Variants in DOCK7 observed in about 807,000 individuals in gnomAD.
The protein encoded by DOCK7 is dedicator of cytokinesis protein 7.
In DOCK7, 138 loss-of-function variants were observed where a neutral mutation model predicts 271.0. That is an observed-to-expected ratio of 0.51 (90% CI 0.44 to 0.59). The LOEUF is 0.59. Ranked by LOEUF, DOCK7 falls within the 20% of genes least tolerant of loss-of-function variation. The pLI is 0.00. For missense variants in DOCK7, 2,066 were observed against 2,592.4 expected, an observed-to-expected ratio of 0.80 and a Z score of 4.41; for synonymous variants, 823 against 876.1, an observed-to-expected ratio of 0.94 and a Z score of 1.07.
At position 62,477,655 on chromosome 1, in the gene DOCK7, A is replaced by C. The variant is rs368416251; in HGVS notation, c.5634+45T>G. 3.4e-5 allele frequency: 52 copies of C among 1,530,572 alleles called. No individual in the cohort carries two copies. The African/African-American group carries it at 7.0e-4, about 21-fold the overall frequency. The allele number at this position is 1,530,572 out of a possible 1,614,324, so 94.8% of individuals were successfully genotyped here. A position where few individuals can be genotyped will look rare whatever the true frequency, so the allele number is the denominator to read the frequency against. On this transcript the variant is annotated intron_variant, in intron 44 of 49. Transcript: ENST00000635253. ...ATCTGAAAGTCTAATCATCAGAGAG[A>C]ATACAAACTAAAGATGACATTTTAT...
intron 7 of DOCK7, among the ~76,000 whole-genome samples, chr1:62,645,730 T>TTA (rs1656567192): frequency 6.6e-6 from 1 of 152,208 alleles, no homozygotes; most frequent in Admixed American, 6.5e-5. Flanking sequence ...AATACGTGAA[T>TTA]TATACCTCAA....
chr1:62,590,789 G>A (rs1341580294), intron 14 of DOCK7, among the ~76,000 whole-genome samples: 1 of 151,992 alleles, frequency 6.6e-6, no homozygotes, highest in African/African-American at 2.4e-5. Context: ...ACCACAATAA[G>A]ATACCATCTC....
intron 18 of DOCK7, among the ~76,000 whole-genome samples, chr1:62,569,635 G>T (rs947907477): frequency 2.6e-5 from 4 of 151,912 alleles, no homozygotes; most frequent in Non-Finnish European, 4.4e-5. Flanking sequence ...ATATCATACT[G>T]AATGGGCAAA....
At chr1:62,682,540 T>C (rs1312981779) in intron 1 of DOCK7, among the ~76,000 whole-genome samples, 2 of 151,904 alleles carry the variant, frequency 1.3e-5, no homozygotes, top group Non-Finnish European at 2.9e-5. Context: ...ACATAAGAAA[T>C]GTAACTTTTT....
chr1:62,592,326 A>G (rs1247260884), intron 14 of DOCK7, among the ~76,000 whole-genome samples: 1 of 152,182 alleles, frequency 6.6e-6, no homozygotes, highest in Non-Finnish European at 1.5e-5. Flanking sequence ...ATCTCTCATC[A>G]AAATAAATTA....
At position 62,682,086 on chromosome 1, in the gene DOCK7, C is replaced by A. The variant is rs1245279531; in HGVS notation, c.38+6141G>T. Among the ~76,000 whole-genome samples, 4 of 150,304 alleles carry A rather than the reference C, an allele frequency of 2.7e-5. No individual in the cohort carries two copies. The East Asian group carries it at 7.8e-4, about 29-fold the overall frequency. On this transcript the variant is annotated intron_variant, in intron 1 of 49. Transcript: ENST00000635253. Reference sequence around the variant, plus strand: ...AGCAGAACAGTTACAGAGATGGAAACAAGCATAGCATTTGTGGAGGTACAG... The same window carrying A: ...AGCAGAACAGTTACAGAGATGGAAAAAAGCATAGCATTTGTGGAGGTACAG...
At chr1:62,589,627 CAA>C (rs879624565) in intron 14 of DOCK7, among the ~76,000 whole-genome samples, 4 of 140,498 alleles carry the variant, frequency 2.8e-5, no homozygotes, top group Non-Finnish European at 3.1e-5. Context: ...ATGCTTCCAA[CAA>C]AAAAAAAAAA....
chr1:62,512,954 C>G (rs1049108158), intron 33 of DOCK7, among the ~76,000 whole-genome samples: 2 of 151,478 alleles, frequency 1.3e-5, no homozygotes, highest in Non-Finnish European at 1.5e-5. Context: ...TGGAATGATC[C>G]CTAATGTAAA....
Position 62,555,927 on chromosome 1 carries a change from A to C in DOCK7, c.2494T>G (p.Leu832Val). 3 of 1,613,936 alleles carry C rather than the reference A, an allele frequency of 1.9e-6. No homozygotes were observed. The highest frequency in any genetic ancestry group is 2.5e-6 in the Non-Finnish European group (3 of 1,179,934). The part of the protein sequence containing the change: ...ASIINRLHKN[L>V]EGNHDQHGRN... ...CCATGCTGGTCATGATTTCCTTCCA[A>C]GTTTTTGTGAAGTCGATTTATAATT... Residue 832 changes from leucine (L) to valine (V), a missense_variant, in exon 21 of 50, where the codon TTG becomes GTG. This residue lies in a region of DOCK7 where 1,414 missense variants were observed against 1,670.4 expected (regional missense o/e 0.85). Coordinates refer to ENST00000635253, the MANE Select transcript of DOCK7 (RefSeq NM_001367561.1).
chr1:62,600,670 T>A (rs1252454507), intron 14 of DOCK7, among the ~76,000 whole-genome samples: 1 of 151,836 alleles, frequency 6.6e-6, no homozygotes, highest in East Asian at 1.9e-4. Flanking sequence ...CTGGTTCAAA[T>A]TATGTATTAT....
At position 62,465,506 on chromosome 1, in the gene DOCK7, C is replaced by T. The variant is rs377194142; in HGVS notation, c.6213-7801G>A. On this transcript the variant is annotated intron_variant, in intron 48 of 49. Coordinates refer to ENST00000635253, the MANE Select transcript of DOCK7 (RefSeq NM_001367561.1). ...TAAAAAAAAAAAAAATTTGTAAGCC[C>T]GTAGGCATGAAAACCTTGCACTTTT... Among the ~76,000 whole-genome samples, 46 of 151,992 alleles carry T rather than the reference C, an allele frequency of 3.0e-4. 2 individuals carry two copies. Among genetic ancestry groups the T allele is most frequent in the East Asian group, 2.7e-3 (14 of 5,168 alleles).
chr1:62,476,168 A>G lies in DOCK7; in HGVS notation c.5635-12T>C. 6.2e-7 allele frequency: 1 copy of G among 1,603,534 alleles called. No individual in the cohort carries two copies. The highest frequency in any genetic ancestry group is 1.3e-5 in the African/African-American group (1 of 74,278). On this transcript the variant is annotated splice_polypyrimidine_tract_variant and intron_variant, in intron 44 of 49. Transcript: ENST00000635253. ...TCTCCGTAAAATCCCTACAATAAAG[A>G]AAAAGAAACATTTTATATGAAGTTA...
rs187466296 is a variant in DOCK7, at chr1:62,560,576, A to C, written c.2199+1041T>G. 4.6e-5 allele frequency among the ~76,000 whole-genome samples: 7 copies of C among 152,184 alleles called. No individual in the cohort carries two copies. In the East Asian group the frequency reaches 1.4e-3, roughly 29 times the overall value. ...CATCCACCTGGACTCTATGGCATTC[A>C]AGGTCCTTCACAATCTATTACCAGC... On this transcript the variant is annotated intron_variant, in intron 19 of 49. Coordinates refer to ENST00000635253, the MANE Select transcript of DOCK7 (RefSeq NM_001367561.1).
At chr1:62,671,390 A>G (rs1378365866) in intron 1 of DOCK7, among the ~76,000 whole-genome samples, 1 of 152,224 alleles carries the variant, frequency 6.6e-6, no homozygotes, top group East Asian at 1.9e-4. Context: ...GAATGCTTGA[A>G]TGGAACAACT....
intron 21 of DOCK7, among the ~76,000 whole-genome samples, chr1:62,554,623 A>G (rs1646077548): frequency 1.3e-5 from 2 of 152,114 alleles, no homozygotes; most frequent in South Asian, 2.1e-4. Context: ...TCCGAATGTC[A>G]TATTTGCAAA....
At chr1:62,602,603 T>A (rs1650315776) in intron 14 of DOCK7, among the ~76,000 whole-genome samples, 2 of 151,792 alleles carry the variant, frequency 1.3e-5, no homozygotes, top group Non-Finnish European at 3.0e-5. Context: ...TGTTCTTAAA[T>A]ATACTTATCA....
chr1:62,621,938 G>A (rs531843382), intron 12 of DOCK7, among the ~76,000 whole-genome samples: 1 of 151,574 alleles, frequency 6.6e-6, no homozygotes, highest in Non-Finnish European at 1.5e-5. Flanking sequence ...TTTCTCTTTC[G>A]GTACTTATTG....
At chr1:62,534,380 G>A (rs1057383660) in intron 29 of DOCK7, among the ~76,000 whole-genome samples, 6 of 152,124 alleles carry the variant, frequency 3.9e-5, no homozygotes, top group Admixed American at 2.6e-4. Flanking sequence ...CTGGGAGGCC[G>A]AGGCGGGCTG....
intron 14 of DOCK7, chr1:62,602,407 T>C (rs773666875): frequency 3.8e-6 from 6 of 1,583,048 alleles, no homozygotes; most frequent in South Asian, 1.1e-5. Context: ...CAATCATTCA[T>C]TCACTTGCTA....
Sources: gnomAD v4.1 joint callset for allele counts (sites outside exome capture counted in the v4.1 genomes callset) on GRCh38, gnomAD v4.1.1 for gene constraint, gnomAD v4.1.1 regional missense constraint, MANE v1.5 for transcripts, NCBI Gene and HGNC (gene_info 2026-07-23, HGNC 2026-07-21) for gene names.